NRG3: variants seen among roughly 807,000 people sequenced by gnomAD.
NRG3 encodes pro-neuregulin-3, membrane-bound isoform.
Under a neutral mutation model 66.9 loss-of-function variants are expected in NRG3, and 31 were observed. That is an observed-to-expected ratio of 0.46 (90% confidence interval 0.35 to 0.63). The LOEUF (loss-of-function observed/expected upper bound fraction) is 0.63. NRG3 is among the 20% of genes least tolerant of loss of function. NRG3 has a pLI of 0.00. For synonymous variants in NRG3, 393 were observed against 359.4 expected (o/e 1.09, Z -1.06); for missense variants, 910 against 878.9 (o/e 1.04, Z -0.45).
At chr10:82,277,132 C>T (rs2078893787) in intron 1 of NRG3, among the ~76,000 whole-genome samples, 1 of 151,890 alleles carries the variant, frequency 6.6e-6, no homozygotes, top group African/African-American at 2.4e-5. Context: ...TTGGTCATTA[C>T]TAGACATTTT....
intron 1 of NRG3, among the ~76,000 whole-genome samples, chr10:82,007,336 A>C (rs1245394971): frequency 6.6e-6 from 1 of 151,376 alleles, no homozygotes; most frequent in Non-Finnish European, 1.5e-5. Context: ...CAGCCTCCCA[A>C]GTAGCTGGGA....
intron 1 of NRG3, among the ~76,000 whole-genome samples, chr10:82,201,616 G>A (rs2074830351): frequency 6.6e-6 from 1 of 152,016 alleles, no homozygotes; most frequent in South Asian, 2.1e-4. Flanking sequence ...TGAAAAAGTT[G>A]TCTTTTTTTT....
At chr10:82,351,701 G>A (rs1589818645) in intron 1 of NRG3, among the ~76,000 whole-genome samples, 1 of 152,154 alleles carries the variant, frequency 6.6e-6, no homozygotes, top group Non-Finnish European at 1.5e-5. Context: ...AGTGGAAAAT[G>A]ACCCTGCTGT....
intron 2 of NRG3, among the ~76,000 whole-genome samples, chr10:82,418,252 A>T (rs945059410): frequency 6.6e-6 from 1 of 152,118 alleles, no homozygotes; most frequent in African/African-American, 2.4e-5. Context: ...TGGGGATGGT[A>T]TTTTTTGAAT....
chr10:82,543,444 G>A (rs1195158643), intron 2 of NRG3, among the ~76,000 whole-genome samples: 1 of 152,070 alleles, frequency 6.6e-6, no homozygotes. Context: ...GCTGTTACAA[G>A]TAATTTATCT....
At chr10:82,536,732 C>T (rs1347723922) in intron 2 of NRG3, among the ~76,000 whole-genome samples, 1 of 152,032 alleles carries the variant, frequency 6.6e-6, no homozygotes, top group Non-Finnish European at 1.5e-5. Flanking sequence ...ATTATTAATT[C>T]AGAGGGGATT....
chr10:82,036,238 G>A (rs1383643860), intron 1 of NRG3, among the ~76,000 whole-genome samples: 1 of 152,046 alleles, frequency 6.6e-6, no homozygotes, highest in Non-Finnish European at 1.5e-5. Flanking sequence ...TAGGCTGTTA[G>A]ACCAGAATTA....
At chr10:82,156,618 T>C (rs1197226607) in intron 1 of NRG3, among the ~76,000 whole-genome samples, 1 of 151,628 alleles carries the variant, frequency 6.6e-6, no homozygotes, top group Non-Finnish European at 1.5e-5. Context: ...AAAAGAAATT[T>C]CTAGTGAATT....
At position 81,899,278 on chromosome 10, in the gene NRG3, A is replaced by C. The variant is rs190381501; in HGVS notation, c.823+23115A>C. On this transcript the variant is annotated intron_variant, in intron 1 of 8. Transcript: ENST00000372141. ...ACAATTTCTTTAGTATTTTTGCACT[A>C]TTGCCTCTGCTTCTACCAAGGAACT... Among the ~76,000 whole-genome samples the C allele has an allele frequency of 4.6e-5, 7 of 152,314 alleles. No homozygotes were observed. The East Asian group carries it at 1.4e-3, about 29-fold the overall frequency.
intron 2 of NRG3, among the ~76,000 whole-genome samples, chr10:82,599,279 A>T (rs1397024018): frequency 6.6e-6 from 1 of 152,140 alleles, no homozygotes; most frequent in Non-Finnish European, 1.5e-5. Flanking sequence ...ATATTAGAAA[A>T]ATAGGTAGAG....
intron 7 of NRG3, among the ~76,000 whole-genome samples, chr10:82,975,506 C>G (rs775761597): frequency 2.6e-5 from 4 of 152,150 alleles, no homozygotes; most frequent in South Asian, 2.1e-4. Flanking sequence ...ATAAGGACAT[C>G]TTTAAGAGAC....
intron 1 of NRG3, among the ~76,000 whole-genome samples, chr10:82,265,682 C>T (rs2078260163): frequency 6.6e-6 from 1 of 152,154 alleles, no homozygotes; most frequent in African/African-American, 2.4e-5. Context: ...CATCTACATG[C>T]TTACTGACAT....
chr10:82,077,176 GTAA>G (rs1179341287), intron 1 of NRG3, among the ~76,000 whole-genome samples: 1 of 152,134 alleles, frequency 6.6e-6, no homozygotes. Flanking sequence ...TTTCACTTCT[GTAA>G]TAATATTAAT....
intron 2 of NRG3, among the ~76,000 whole-genome samples, chr10:82,587,725 G>A (rs897336776): frequency 6.1e-4 from 93 of 152,218 alleles, no homozygotes; most frequent in African/African-American, 2.2e-3. Flanking sequence ...AGAGCACAGG[G>A]GTTCTCTGTT....
At chr10:82,700,645 T>G (rs1021097149) in intron 2 of NRG3, among the ~76,000 whole-genome samples, 2 of 152,136 alleles carry the variant, frequency 1.3e-5, no homozygotes, top group African/African-American at 4.8e-5. Flanking sequence ...TTCTTTTTTT[T>G]AAAACCATCT....
intron 4 of NRG3, among the ~76,000 whole-genome samples, chr10:82,874,436 GA>G (rs4034897): frequency 0.044 from 6,143 of 139,878 alleles, 144 homozygotes; most frequent in Middle Eastern, 0.11. Context: ...GACTTATTTG[GA>G]AAAAAAAAAA....
At chr10:82,876,077 C>G (rs959507773) in intron 4 of NRG3, among the ~76,000 whole-genome samples, 2 of 152,114 alleles carry the variant, frequency 1.3e-5, no homozygotes, top group African/African-American at 4.8e-5. Flanking sequence ...TGTTTTTGGA[C>G]AAGATTTTAA....
At chr10:82,546,317 C>A (rs1403815973) in intron 2 of NRG3, among the ~76,000 whole-genome samples, 1 of 152,006 alleles carries the variant, frequency 6.6e-6, no homozygotes, top group Non-Finnish European at 1.5e-5. Flanking sequence ...TTAATAATTG[C>A]AATGTTAGGG....
intron 3 of NRG3, among the ~76,000 whole-genome samples, chr10:82,742,205 C>T (rs959353893): frequency 2.0e-5 from 3 of 152,058 alleles, no homozygotes; most frequent in Non-Finnish European, 4.4e-5. Flanking sequence ...TATTCTCTCC[C>T]AGGCAATGCA....
Sources: allele counts gnomAD v4.1 joint callset (sites outside exome capture counted in the v4.1 genomes callset), GRCh38; gene constraint gnomAD v4.1.1; transcripts MANE v1.5; gene names NCBI Gene and HGNC (gene_info 2026-07-23, HGNC 2026-07-21).